SCFD1: variants seen among roughly 807,000 people sequenced by gnomAD.
SCFD1 encodes sec1 family domain-containing protein 1.
SCFD1 carries 37 observed loss-of-function variants against 103.2 expected under a neutral mutation model. The ratio of observed to expected loss-of-function variants is 0.36; its 90% CI spans 0.28 to 0.47. The LOEUF is 0.47. SCFD1 is among the 20% of genes least tolerant of loss of function. The pLI, the probability that SCFD1 is intolerant of heterozygous loss-of-function variation, is 1.00. For missense variants in SCFD1, 639 were observed against 761.2 expected (o/e 0.84, Z 1.89); for synonymous variants, 264 against 245.0 (o/e 1.08, Z -0.73).
At chr14:30,717,807 C>G (rs1892382749) in intron 20 of SCFD1, among the ~76,000 whole-genome samples, 2 of 150,410 alleles carry the variant, frequency 1.3e-5, no homozygotes, top group Non-Finnish European at 3.0e-5. Context: ...TTGCTTGAAC[C>G]TGGGAGGTAG....
At chr14:30,656,197 A>G (rs1220242799) in intron 10 of SCFD1, among the ~76,000 whole-genome samples, 2 of 152,226 alleles carry the variant, frequency 1.3e-5, no homozygotes, top group South Asian at 2.1e-4. Flanking sequence ...GAGTTCAGGA[A>G]AAAAGTCTGG....
At chr14:30,649,879 C>T (rs1234388777) in intron 8 of SCFD1, among the ~76,000 whole-genome samples, 1 of 152,078 alleles carries the variant, frequency 6.6e-6, no homozygotes, top group Non-Finnish European at 1.5e-5. Flanking sequence ...GTATTTTACA[C>T]TTATTTGATC....
intron 23 of SCFD1, among the ~76,000 whole-genome samples, chr14:30,726,013 T>TC (rs1327230429): frequency 3.9e-5 from 6 of 152,280 alleles, no homozygotes; most frequent in Admixed American, 1.3e-4. Flanking sequence ...TTCCAGGTGT[T>TC]CCCGGGGATA....
rs751290560 is a variant in SCFD1 at position 30,638,167 on chromosome 14, A to G, written c.355A>G (p.Ile119Val). 1.4e-5 allele frequency: 22 copies of G among 1,611,604 alleles called. No individual in the cohort carries two copies. The highest frequency in any genetic ancestry group is 1.7e-5 in the Non-Finnish European group (20 of 1,178,968). Residue 119 changes from isoleucine to valine, a missense_variant, in exon 5 of 25, where the codon ATT becomes GTT. Coordinates refer to ENST00000458591, the MANE Select transcript of SCFD1 (RefSeq NM_016106.4). ...ATATGAATCATATTATTTAAATTTT[A>G]TTTCTGCTATTTCAAGAAGTAAACT... Reference protein sequence around the residue: ...QLYESYYLNFISAISRSKLED... With the variant: ...QLYESYYLNFVSAISRSKLED...
At chr14:30,665,075 C>T (rs534021236) in intron 10 of SCFD1, among the ~76,000 whole-genome samples, 1 of 152,056 alleles carries the variant, frequency 6.6e-6, no homozygotes. Flanking sequence ...AAGAGCAACC[C>T]CAAGACACAT....
rs230360 is a variant in SCFD1, at chr14:30,668,169, G to A, written c.856-2087G>A. ...AACTATACTACAAGGCTACAGTAAC[G>A]AAAACAGCATGGTACTGGTACCAAA... On this transcript the variant is annotated intron_variant, in intron 10 of 24. Transcript: ENST00000458591. Among the ~76,000 whole-genome samples, 7 of 151,972 alleles carry A rather than the reference G, an allele frequency of 4.6e-5. No individual in the cohort carries two copies. The South Asian group carries it at 1.2e-3, about 27-fold the overall frequency.
chr14:30,732,081 C>CA (rs1215334554), intron 23 of SCFD1, among the ~76,000 whole-genome samples: 3 of 152,100 alleles, frequency 2.0e-5, no homozygotes, highest in African/African-American at 7.2e-5. Flanking sequence ...TGAATTTTGT[C>CA]AAAGACAAAA....
chr14:30,703,962 TAA>T (rs869033858), intron 17 of SCFD1, among the ~76,000 whole-genome samples: 431 of 42,296 alleles, frequency 0.01, 38 homozygotes, highest in African/African-American at 0.033. Flanking sequence ...TATATATATA[TAA>T]ATAATGAGAT....
At chr14:30,727,616 G>A (rs770041085) in intron 23 of SCFD1, among the ~76,000 whole-genome samples, 1 of 152,050 alleles carries the variant, frequency 6.6e-6, no homozygotes, top group Non-Finnish European at 1.5e-5. Context: ...AGGCTCTTAC[G>A]AGATACCAAA....
intron 20 of SCFD1, 149 bp downstream of exon 20, chr14:30,716,126 T>A (rs1892264689): frequency 1.6e-6 from 1 of 610,466 alleles, no homozygotes; most frequent in Non-Finnish European, 2.9e-6. Flanking sequence ...TCAAGAAGCC[T>A]TTTTTAGCCA....
chr14:30,731,978 T>C (rs1383009519), intron 23 of SCFD1, among the ~76,000 whole-genome samples: 3 of 152,198 alleles, frequency 2.0e-5, no homozygotes, highest in East Asian at 3.9e-4. Context: ...CAGTATGATA[T>C]TGGCTGTGGG....
At chr14:30,724,244 G>A (rs1480988856) in intron 23 of SCFD1, among the ~76,000 whole-genome samples, 1 of 127,256 alleles carries the variant, frequency 7.9e-6, no homozygotes, top group African/African-American at 3.4e-5. Context: ...CTTTTTTATG[G>A]GTTTTTTTTT....
intron 13 of SCFD1, 72 bp downstream of exon 13, chr14:30,674,069 G>C (rs1049260217): frequency 4.5e-6 from 5 of 1,100,452 alleles, no homozygotes; most frequent in Non-Finnish European, 6.7e-6. Flanking sequence ...CTAAAAAATT[G>C]TTAATGTTTT....
intron 14 of SCFD1, among the ~76,000 whole-genome samples, chr14:30,684,761 T>C (rs1889811298): frequency 6.9e-6 from 1 of 145,758 alleles, no homozygotes; most frequent in Non-Finnish European, 1.5e-5. Flanking sequence ...TTTTAAAATA[T>C]ATTTAAAGTC....
intron 1 of SCFD1, among the ~76,000 whole-genome samples, chr14:30,624,724 A>G (rs751796371): frequency 6.6e-6 from 1 of 152,120 alleles, no homozygotes; most frequent in Non-Finnish European, 1.5e-5. Flanking sequence ...GCATCTTCCC[A>G]TTTCAACCAT....
chr14:30,663,484 G>A (rs771581997), intron 10 of SCFD1, among the ~76,000 whole-genome samples: 23 of 152,216 alleles, frequency 1.5e-4, no homozygotes, highest in African/African-American at 3.1e-4. Context: ...GTTTAGATAC[G>A]AGGATGGGAA....
intron 19 of SCFD1, among the ~76,000 whole-genome samples, chr14:30,708,606 C>T (rs1387629062): frequency 2.6e-5 from 4 of 152,146 alleles, no homozygotes; most frequent in South Asian, 2.1e-4. Flanking sequence ...GTTGAAAGTA[C>T]GTTAATTGAA....
chr14:30,696,421 G>A (rs1326056035), intron 15 of SCFD1, among the ~76,000 whole-genome samples: 4 of 152,168 alleles, frequency 2.6e-5, no homozygotes, highest in Non-Finnish European at 5.9e-5. Flanking sequence ...TTGACAGAAA[G>A]GCAATCAGTC....
At chr14:30,643,500 C>T (rs1885497248) in intron 7 of SCFD1, 95 bp downstream of exon 7, 1 of 869,230 alleles carries the variant, frequency 1.2e-6, no homozygotes, top group East Asian at 2.5e-5. Context: ...TTCTCACTTA[C>T]CTGGATCTCT....
Sources: allele counts gnomAD v4.1 joint callset (sites outside exome capture counted in the v4.1 genomes callset), GRCh38; gene constraint gnomAD v4.1.1; transcripts MANE v1.5; gene names NCBI Gene and HGNC (gene_info 2026-07-23, HGNC 2026-07-21).